Variants in CSMD1 observed in about 807,000 individuals in gnomAD.
CSMD1 encodes CUB and Sushi multiple domains 1.
Under a neutral mutation model 417.5 loss-of-function variants are expected in CSMD1, and 213 were observed. That is an observed-to-expected ratio of 0.51 (90% confidence interval 0.46 to 0.57). The LOEUF is 0.57. Ranked by LOEUF, CSMD1 falls within the 20% of genes least tolerant of loss-of-function variation. The pLI is 0.00. For synonymous variants in CSMD1, 2,862 were observed against 1,736.8 expected (o/e 1.65, Z -16.11); for missense variants, 6,923 against 4,529.7 (o/e 1.53, Z -15.17).
At position 3,325,554 on chromosome 8, in the gene CSMD1, T is replaced by G. The variant is rs564195660; in HGVS notation, c.3632-17051A>C. Among the ~76,000 whole-genome samples, 11 of 152,336 alleles carry G rather than the reference T, an allele frequency of 7.2e-5. No homozygotes were observed. The East Asian group carries it at 2.1e-3, about 29-fold the overall frequency. On this transcript the variant is annotated intron_variant, in intron 23 of 69. Coordinates refer to ENST00000635120, the MANE Select transcript of CSMD1 (RefSeq NM_033225.6). Reference sequence around the variant, plus strand: ...AAATAACAAGGTCGCCTGGGCATGCTGGCTCACGCCTGTAATCCCAGCACT... The same window carrying G: ...AAATAACAAGGTCGCCTGGGCATGCGGGCTCACGCCTGTAATCCCAGCACT...
intron 26 of CSMD1, among the ~76,000 whole-genome samples, chr8:3,265,502 A>T (rs1259767094): frequency 6.6e-6 from 1 of 152,124 alleles, no homozygotes; most frequent in Non-Finnish European, 1.5e-5. Context: ...ATGAGAACAG[A>T]AGGGGCTGGA....
intron 4 of CSMD1, among the ~76,000 whole-genome samples, chr8:4,020,633 T>A (rs1445645015): frequency 6.6e-6 from 1 of 152,136 alleles, no homozygotes; most frequent in East Asian, 1.9e-4. Flanking sequence ...CTAGAATCAC[T>A]CTTCTTTATT....
intron 4 of CSMD1, among the ~76,000 whole-genome samples, chr8:4,010,723 C>G (rs866606207): frequency 1.3e-5 from 2 of 152,114 alleles, no homozygotes; most frequent in South Asian, 2.1e-4. Context: ...CTATCATGTC[C>G]TCATCTCTTG....
At chr8:4,200,443 C>G (rs182517244) in intron 3 of CSMD1, among the ~76,000 whole-genome samples, 1 of 152,262 alleles carries the variant, frequency 6.6e-6, no homozygotes, top group East Asian at 1.9e-4. Flanking sequence ...CAGCCGTCTA[C>G]TCAACACTCT....
chr8:2,978,622 G>T lies in CSMD1; in HGVS notation c.8556C>A (p.Pro2852=). Residue 2852 remains proline (P), a synonymous_variant, in exon 55 of 70, where the codon CCC becomes CCA. Transcript: ENST00000635120. ...ATAACCCTGACTTACCCAAACACTT[G>T]GGCAGGGATCGGTCCCATAAGCCAT... ...MANGLWDRSL[P]KCLAISCGHP... is the part of the protein sequence containing the mutation. 1.9e-6 allele frequency: 3 copies of T among 1,590,102 alleles called. No homozygotes were observed. Among genetic ancestry groups the T allele is most frequent in the Non-Finnish European group, 2.6e-6 (3 of 1,167,664 alleles).
At chr8:4,747,814 A>G (rs1211436038) in intron 1 of CSMD1, among the ~76,000 whole-genome samples, 1 of 152,210 alleles carries the variant, frequency 6.6e-6, no homozygotes, top group African/African-American at 2.4e-5. Flanking sequence ...CAGCCAAAGC[A>G]TCATTTGTAA....
At chr8:4,342,993 C>T (rs757224463) in intron 3 of CSMD1, among the ~76,000 whole-genome samples, 18 of 152,200 alleles carry the variant, frequency 1.2e-4, no homozygotes, top group Admixed American at 4.6e-4. Context: ...CAAGCTGTAG[C>T]GTAGATTGCA....
chr8:3,703,302 A>C (rs73658211), intron 7 of CSMD1, among the ~76,000 whole-genome samples: 20,577 of 152,224 alleles, frequency 0.14, 1,407 homozygotes, highest in Non-Finnish European at 0.16. Flanking sequence ...GAGGGTTGAA[A>C]GCAAGGCTGT....
At chr8:4,988,201 T>C (rs979717581) in intron 1 of CSMD1, among the ~76,000 whole-genome samples, 1 of 152,226 alleles carries the variant, frequency 6.6e-6, no homozygotes. Flanking sequence ...CATAGCATTA[T>C]ATGCATTACT....
chr8:3,923,303 G>C (rs987655378), intron 5 of CSMD1, among the ~76,000 whole-genome samples: 7 of 152,046 alleles, frequency 4.6e-5, no homozygotes, highest in Admixed American at 3.3e-4. Flanking sequence ...TTCCCCATTT[G>C]GGGAGTTTAT....
intron 3 of CSMD1, among the ~76,000 whole-genome samples, chr8:4,090,734 T>A (rs1800673592): frequency 6.6e-6 from 1 of 152,172 alleles, no homozygotes; most frequent in African/African-American, 2.4e-5. Flanking sequence ...TACTTAAACA[T>A]TAAACCAACA....
chr8:2,973,133 C>G lies in CSMD1; in HGVS notation c.8907G>C (p.Leu2969=). 1 of 1,613,660 alleles carries G rather than the reference C, an allele frequency of 6.2e-7. No individual in the cohort carries two copies. The highest frequency in any genetic ancestry group is 8.5e-7 in the Non-Finnish European group (1 of 1,179,640). The change falls in exon 57 of 70, where the codon CTG becomes CTC. Residue 2969 remains leucine (L), a synonymous_variant. Coordinates refer to ENST00000635120, the MANE Select transcript of CSMD1 (RefSeq NM_033225.6). ...TCLLNGSWSG[L]QPVCEAVSCG... Reference sequence around the variant, plus strand: ...GCTACTCACCCTCACACACCGGCTGCAGTCCTGACCATGACCCATTGAGCA... The same window carrying G: ...GCTACTCACCCTCACACACCGGCTGGAGTCCTGACCATGACCCATTGAGCA...
At chr8:4,515,398 G>A (rs1018334101) in intron 2 of CSMD1, among the ~76,000 whole-genome samples, 6 of 152,154 alleles carry the variant, frequency 3.9e-5, no homozygotes, top group Non-Finnish European at 7.4e-5. Context: ...TGGGACCCAT[G>A]AAGAGGCGTC....
At chr8:3,715,952 A>C (rs565453333) in intron 6 of CSMD1, among the ~76,000 whole-genome samples, 7 of 152,316 alleles carry the variant, frequency 4.6e-5, no homozygotes, top group African/African-American at 1.7e-4. Context: ...TGATGGAGGA[A>C]ACCCCTCAGA....
chr8:3,851,716 A>T (rs1345471963), intron 5 of CSMD1, among the ~76,000 whole-genome samples: 1 of 152,174 alleles, frequency 6.6e-6, no homozygotes, highest in Non-Finnish European at 1.5e-5. Flanking sequence ...GAAGATAAAT[A>T]ATTAAAGGAA....
At chr8:3,903,005 C>T (rs138437639) in intron 5 of CSMD1, among the ~76,000 whole-genome samples, 1 of 152,082 alleles carries the variant, frequency 6.6e-6, no homozygotes, top group African/African-American at 2.4e-5. Context: ...TCTAGTCTTA[C>T]GATGAATGCA....
chr8:3,918,784 C>T (rs967746103), intron 5 of CSMD1, among the ~76,000 whole-genome samples: 1 of 151,992 alleles, frequency 6.6e-6, no homozygotes, highest in Admixed American at 6.6e-5. Flanking sequence ...CAATGGAAAA[C>T]CAAACATTTT....
intron 8 of CSMD1, 52 bp from the exon 9 acceptor site, chr8:3,586,312 C>A: frequency 4.1e-6 from 6 of 1,453,750 alleles, no homozygotes; most frequent in South Asian, 2.8e-5. Flanking sequence ...CAGAAGACTT[C>A]TTTAGGAAAA....
intron 43 of CSMD1, among the ~76,000 whole-genome samples, chr8:3,109,363 G>C (rs576926185): frequency 6.6e-6 from 1 of 152,324 alleles, no homozygotes; most frequent in East Asian, 1.9e-4. Flanking sequence ...GCCAACCACA[G>C]AATGCTGTTT....
Sources: allele counts gnomAD v4.1 joint callset (sites outside exome capture counted in the v4.1 genomes callset), GRCh38; gene constraint gnomAD v4.1.1; transcripts MANE v1.5; gene names NCBI Gene and HGNC (gene_info 2026-07-23, HGNC 2026-07-21).